Variants in SSUH2 observed in about 807,000 individuals in gnomAD.
SSUH2 encodes the protein ssu-2 homolog, also known as protein SSUH2 homolog.
SSUH2 carries 47 observed loss-of-function variants against 55.3 expected under a neutral mutation model. The ratio of observed to expected loss-of-function variants is 0.85; its 90% CI spans 0.67 to 1.08. SSUH2 has a LOEUF of 1.08. Among genes scored for constraint, SSUH2 ranks in the 50% least tolerant of loss-of-function variants. SSUH2 has a pLI of 0.00. For synonymous variants in SSUH2, 212 were observed against 191.5 expected (o/e 1.11, Z -0.89); for missense variants, 535 against 490.7 (o/e 1.09, Z -0.85).
intron 1 of SSUH2, chr3:8,639,919 C>T (rs1011185351): frequency 4.1e-6 from 4 of 971,322 alleles, no homozygotes; most frequent in African/African-American, 3.5e-5. Flanking sequence ...AACAGGCACA[C>T]GTAAGTGTTA....
chr3:8,671,256 G>A (rs1226844642), intron 4 of SSUH2: 1 of 169,518 alleles, frequency 5.9e-6, no homozygotes, highest in Non-Finnish European at 1.3e-5. Flanking sequence ...TCCACCCCGT[G>A]TGACATTAGG....
At chr3:8,648,982 G>A (rs1409603161), upstream of SSUH2, among the ~76,000 whole-genome samples, 3 of 152,050 alleles carry the variant, frequency 2.0e-5, no homozygotes, top group African/African-American at 4.8e-5. Flanking sequence ...CCAGCACCTG[G>A]CCAAGCCCTT....
At chr3:8,624,205 C>A (rs557127198) in intron 10 of SSUH2, among the ~76,000 whole-genome samples, 2 of 151,672 alleles carry the variant, frequency 1.3e-5, no homozygotes, top group African/African-American at 4.8e-5. Flanking sequence ...CAAGCATAGC[C>A]CTCCCCTGGG....
intron 6 of SSUH2, among the ~76,000 whole-genome samples, chr3:8,662,649 C>T (rs570930026): frequency 2.6e-5 from 4 of 152,328 alleles, no homozygotes; most frequent in Non-Finnish European, 5.9e-5. Flanking sequence ...ACCAGAAAAG[C>T]CTGGCCCTAC....
chr3:8,629,381 G>C, intron 7 of SSUH2: 2 of 449,566 alleles, frequency 4.4e-6, no homozygotes, highest in Non-Finnish European at 4.0e-6. Flanking sequence ...ACAGGACCTA[G>C]AGGTCAGAGC....
rs377500002 is a variant in SSUH2, at chr3:8,638,108, C to A, written c.29-2251G>T. Among the ~76,000 whole-genome samples the A allele has an allele frequency of 4.4e-4, 67 of 152,242 alleles. 1 individual carries two copies. Among genetic ancestry groups the A allele is most frequent in the African/African-American group, 1.5e-3 (63 of 41,530 alleles). ...ACTTAGACATTCTCCTGGGAATGGG[C>A]TTGAGGGGATCAGAAAGGTAGAGGC... On this transcript the variant is annotated intron_variant, in intron 1 of 11. Transcript: ENST00000544814.
chr3:8,676,782 C>T (rs1705339713), intron 3 of SSUH2, among the ~76,000 whole-genome samples: 1 of 148,342 alleles, frequency 6.7e-6, no homozygotes, highest in African/African-American at 2.6e-5. Context: ...GACCTCATCG[C>T]AGTGGGGGGA....
At chr3:8,627,886 C>A (rs976210894) in intron 7 of SSUH2, 103 bp from the exon 8 acceptor site, 15 of 976,196 alleles carry the variant, frequency 1.5e-5, no homozygotes, top group East Asian at 2.9e-5. Flanking sequence ...CCTTCCTCCC[C>A]CTGGGCCTTA....
At chr3:8,655,986 T>C (rs2125341444) in intron 7 of SSUH2, among the ~76,000 whole-genome samples, 1 of 152,346 alleles carries the variant, frequency 6.6e-6, no homozygotes, top group South Asian at 2.1e-4. Context: ...TTATTCTAAC[T>C]AAATATAAGC....
rs142753926 is a variant in SSUH2 at position 8,634,620 on chromosome 3, A to G, written c.209+680T>C. Reference sequence around the variant, plus strand: ...CTGTGGGCTGGAGAGGCCAGAGATGACTCCCCGGAGGAAGCAGGGTTCTTC... The same window carrying G: ...CTGTGGGCTGGAGAGGCCAGAGATGGCTCCCCGGAGGAAGCAGGGTTCTTC... On this transcript the variant is annotated intron_variant, in intron 3 of 11. Transcript: ENST00000544814. 9.6e-4 allele frequency: 1,226 copies of G among 1,279,526 alleles called. 18 individuals are homozygous for G. The highest frequency in any genetic ancestry group is 8.0e-3 in the South Asian group (648 of 80,794). The allele number at this position is 1,279,526 out of a possible 1,614,324, so 79.3% of individuals were successfully genotyped here.
rs1487381624 is a variant in SSUH2 at position 8,619,702 on chromosome 3, G to GTA, written c.*164_*165dup. 1.5e-6 allele frequency: 1 copy of GTA among 669,904 alleles called. No individual in the cohort carries two copies. The highest frequency in any genetic ancestry group is 1.8e-5 in the African/African-American group (1 of 55,136). The allele number at this position is 669,904 out of a possible 1,614,324, so 41.5% of individuals were successfully genotyped here. A position where few individuals can be genotyped will look rare whatever the true frequency, so the allele number is the denominator to read the frequency against. ...AGTCATGGATTCCACCAGAGGAGCTGTATAAGGGGTTGGAGCTTGATAGAT... is the reference window on the plus strand; with the variant it reads ...AGTCATGGATTCCACCAGAGGAGCTGTATATAAGGGGTTGGAGCTTGATAGAT... On this transcript the variant is annotated 3_prime_UTR_variant, in exon 12 of 12. Coordinates refer to ENST00000544814, the MANE Select transcript of SSUH2 (RefSeq NM_001256748.3).
At chr3:8,680,749 G>A (rs1705881681) in intron 1 of SSUH2, among the ~76,000 whole-genome samples, 1 of 151,976 alleles carries the variant, frequency 6.6e-6, no homozygotes, top group South Asian at 2.1e-4. Flanking sequence ...ACACAGGGGT[G>A]TATACTTACT....
chr3:8,662,810 C>T (rs1437566846), intron 6 of SSUH2, among the ~76,000 whole-genome samples: 4 of 152,230 alleles, frequency 2.6e-5, no homozygotes, highest in Non-Finnish European at 5.9e-5. Context: ...TCTGCACTCG[C>T]AGACAGGGAT....
chr3:8,662,651 T>G (rs776258758), intron 6 of SSUH2, among the ~76,000 whole-genome samples: 3 of 152,222 alleles, frequency 2.0e-5, no homozygotes, highest in Non-Finnish European at 2.9e-5. Context: ...CAGAAAAGCC[T>G]GGCCCTACTC....
At chr3:8,635,662 G>A in intron 2 of SSUH2, 97 bp downstream of exon 2, 1 of 1,186,324 alleles carries the variant, frequency 8.4e-7, no homozygotes, top group Non-Finnish European at 1.2e-6. Context: ...CCAGGGAAAG[G>A]GGAGCTATCT....
intron 5 of SSUH2, among the ~76,000 whole-genome samples, chr3:8,667,778 C>T (rs1183117621): frequency 6.6e-6 from 1 of 152,178 alleles, no homozygotes; most frequent in Non-Finnish European, 1.5e-5. Context: ...CCAGCCCCAC[C>T]CTGAACCTAT....
chr3:8,662,085 G>T (rs530188280), intron 6 of SSUH2, among the ~76,000 whole-genome samples: 1 of 152,216 alleles, frequency 6.6e-6, no homozygotes, highest in Admixed American at 6.5e-5. Context: ...AAATTATCCG[G>T]TCTCAGGTAT....
chr3:8,644,012 C>G (rs1701315078), intron 1 of SSUH2, among the ~76,000 whole-genome samples: 1 of 151,952 alleles, frequency 6.6e-6, no homozygotes, highest in Non-Finnish European at 1.5e-5. Flanking sequence ...GCAACCACCA[C>G]CCCTCTGCAC....
At chr3:8,639,836 C>G (rs966984480) in intron 1 of SSUH2, 2 of 363,752 alleles carry the variant, frequency 5.5e-6, no homozygotes, top group Non-Finnish European at 7.6e-6. Flanking sequence ...TGTGAGGGCC[C>G]CTTTTGGACA....
Sources: allele counts gnomAD v4.1 joint callset (sites outside exome capture counted in the v4.1 genomes callset), GRCh38; gene constraint gnomAD v4.1.1; transcripts MANE v1.5; gene names NCBI Gene and HGNC (gene_info 2026-07-23, HGNC 2026-07-21).